GPHN: variants seen among roughly 807,000 people sequenced by gnomAD.
GPHN encodes the protein gephyrin.
In GPHN, 17 loss-of-function variants were observed where a neutral mutation model predicts 95.5. The observed-to-expected ratio is 0.18, with a 90% CI of 0.12 to 0.27. The LOEUF (loss-of-function observed/expected upper bound fraction) is 0.27. Among genes scored for constraint, GPHN ranks in the 10% least tolerant of loss-of-function variants. GPHN has a pLI of 1.00. For missense variants in GPHN, 660 were observed against 978.1 expected (o/e 0.67, Z 4.34); for synonymous variants, 320 against 322.5 (o/e 0.99, Z 0.08).
the GPHN span, chr14:67,645,647 G>A: frequency 6.2e-6 from 10 of 1,612,396 alleles, no homozygotes; most frequent in East Asian, 2.0e-4. Context: ...TTGCAGCCTG[G>A]CAATCGGTAC....
the GPHN span, among the ~76,000 whole-genome samples, chr14:67,666,304 A>G: frequency 6.6e-6 from 1 of 152,234 alleles, no homozygotes; most frequent in African/African-American, 2.4e-5. Flanking sequence ...TGATTCCAGG[A>G]ATGTAACTAC....
chr14:67,579,608 CT>C, the GPHN span: 3 of 1,068,676 alleles, frequency 2.8e-6, no homozygotes, highest in Non-Finnish European at 4.0e-6. Context: ...TTGCTTTGGC[CT>C]TTTGTATTTG....
chr14:66,954,080 T>C (rs2068318509), intron 8 of GPHN, among the ~76,000 whole-genome samples: 3 of 151,494 alleles, frequency 2.0e-5, no homozygotes, highest in African/African-American at 7.3e-5. Context: ...ATGAATCCTC[T>C]AACTTTCTTT....
At chr14:66,943,657 A>T (rs756990526) in intron 8 of GPHN, among the ~76,000 whole-genome samples, 9 of 140,548 alleles carry the variant, frequency 6.4e-5, no homozygotes, top group Non-Finnish European at 9.1e-5. Context: ...CACAACTTTT[A>T]TCATCCCTTT....
At chr14:67,064,394 C>G (rs1014881377) in intron 11 of GPHN, among the ~76,000 whole-genome samples, 1 of 152,180 alleles carries the variant, frequency 6.6e-6, no homozygotes, top group Middle Eastern at 3.4e-3. Flanking sequence ...CTAAAATTCT[C>G]TTTTTTTGTT....
chr14:66,818,652 T>C (rs187973715), intron 3 of GPHN, among the ~76,000 whole-genome samples: 410 of 152,262 alleles, frequency 2.7e-3, no homozygotes, highest in Admixed American at 8.6e-3. Flanking sequence ...GGTATTTCTG[T>C]CTGTAGGTCT....
chr14:67,651,571 A>C, the GPHN span: 1 of 1,429,352 alleles, frequency 7.0e-7, no homozygotes, highest in Non-Finnish European at 9.5e-7. Context: ...CCACGGCTGG[A>C]TACTCTGAGG....
chr14:67,070,728 A>ATATATATATC (rs2076268058), intron 11 of GPHN, among the ~76,000 whole-genome samples: 1 of 137,018 alleles, frequency 7.3e-6, no homozygotes, highest in Admixed American at 7.3e-5. Context: ...ATATATATAT[A>ATATATATATC]TCCAATCAGC....
chr14:67,499,862 C>T, the GPHN span, among the ~76,000 whole-genome samples: 1 of 152,032 alleles, frequency 6.6e-6, no homozygotes, highest in Admixed American at 6.6e-5. Flanking sequence ...AAAAGTTATG[C>T]CCTTCAATTG....
At chr14:67,395,454 G>T in the GPHN span, 1 of 1,614,062 alleles carries the variant, frequency 6.2e-7, no homozygotes, top group Non-Finnish European at 8.5e-7. Flanking sequence ...CTGTGCAGCT[G>T]CTGGACCTTC....
At chr14:66,548,284 G>T (rs1363399990) in intron 1 of GPHN, among the ~76,000 whole-genome samples, 4 of 151,150 alleles carry the variant, frequency 2.6e-5, no homozygotes, top group Admixed American at 6.6e-5. Flanking sequence ...AGGTTCAAGA[G>T]ATTCTTCTGC....
chr14:66,827,351 G>C (rs8006552), intron 4 of GPHN, among the ~76,000 whole-genome samples: 50,172 of 151,598 alleles, frequency 0.33, 11,116 homozygotes, highest in African/African-American at 0.61. Context: ...ACTCTGTACT[G>C]CTATCACTCA....
intron 4 of GPHN, among the ~76,000 whole-genome samples, chr14:66,844,810 G>A (rs187400190): frequency 1.3e-4 from 20 of 152,044 alleles, no homozygotes; most frequent in Non-Finnish European, 2.5e-4. Context: ...TTGTGCAACC[G>A]TCACCACTGT....
the GPHN span, among the ~76,000 whole-genome samples, chr14:67,410,438 C>T: frequency 4.5e-4 from 68 of 152,238 alleles, no homozygotes; most frequent in African/African-American, 1.4e-3. Context: ...TAGGAGCTCC[C>T]CATGTGTAGT....
intron 12 of GPHN, among the ~76,000 whole-genome samples, chr14:67,099,444 TA>T (rs926720770): frequency 6.2e-5 from 9 of 145,944 alleles, no homozygotes; most frequent in Admixed American, 6.8e-5. Context: ...TCTTAAACTT[TA>T]AAAAAAAAAT....
At chr14:67,592,278 TAAA>T in the GPHN span, 26 of 343,956 alleles carry the variant, frequency 7.6e-5, no homozygotes, top group South Asian at 1.4e-4. Context: ...CTACTAAAAA[TAAA>T]AAAAAAAAAT....
At chr14:67,430,551 T>G in the GPHN span, among the ~76,000 whole-genome samples, 14 of 152,172 alleles carry the variant, frequency 9.2e-5, no homozygotes, top group Admixed American at 6.5e-5. Context: ...CTTTCTCAAC[T>G]GGCAGAGTGG....
At chr14:66,948,658 AC>A (rs1458441758) in intron 8 of GPHN, among the ~76,000 whole-genome samples, 4 of 152,262 alleles carry the variant, frequency 2.6e-5, no homozygotes, top group African/African-American at 9.6e-5. Context: ...ACTACCAGAA[AC>A]CCTGCTGGTT....
At chr14:67,546,343 T>A in the GPHN span, among the ~76,000 whole-genome samples, 29 of 152,268 alleles carry the variant, frequency 1.9e-4, no homozygotes, top group Non-Finnish European at 3.7e-4. Context: ...TTTTTGGGAT[T>A]TTTTTAAGAC....
Sources: allele counts gnomAD v4.1 joint callset (sites outside exome capture counted in the v4.1 genomes callset), GRCh38; gene constraint gnomAD v4.1.1; transcripts MANE v1.5; gene names NCBI Gene and HGNC (gene_info 2026-07-23, HGNC 2026-07-21).